Variants in GRM8 observed in about 807,000 individuals in gnomAD.
The protein encoded by GRM8 is glutamate metabotropic receptor 8, also known as metabotropic glutamate receptor 8.
A neutral mutation model predicts 87.2 loss-of-function variants in GRM8; 47 were observed. That is an observed-to-expected ratio of 0.54 (90% CI 0.43 to 0.69). The LOEUF is 0.69. Ranked by LOEUF, GRM8 falls within the 30% of genes least tolerant of loss-of-function variation. GRM8 has a pLI of 0.00. For synonymous variants in GRM8, 396 were observed against 404.5 expected, an observed-to-expected ratio of 0.98 and a Z score of 0.25; for missense variants, 1,019 against 1,139.2, an observed-to-expected ratio of 0.89 and a Z score of 1.52.
intron 2 of GRM8, among the ~76,000 whole-genome samples, chr7:127,162,938 A>C (rs1185944769): frequency 6.6e-6 from 1 of 152,144 alleles, no homozygotes; most frequent in African/African-American, 2.4e-5. Context: ...TCTACTCCTT[A>C]TCACTGTTCA....
intron 9 of GRM8, among the ~76,000 whole-genome samples, chr7:126,448,786 T>G (rs1266679670): frequency 6.6e-6 from 1 of 151,844 alleles, no homozygotes; most frequent in Non-Finnish European, 1.5e-5. Flanking sequence ...AACAGAAGAA[T>G]AGAAAACCAA....
intron 3 of GRM8, among the ~76,000 whole-genome samples, chr7:126,983,097 G>T (rs147977270): frequency 2.0e-5 from 3 of 152,148 alleles, no homozygotes; most frequent in African/African-American, 7.2e-5. Flanking sequence ...AAGGTAGGAG[G>T]AGCCCAAAGT....
intron 2 of GRM8, among the ~76,000 whole-genome samples, chr7:127,129,861 T>G (rs1827579820): frequency 6.6e-6 from 1 of 152,188 alleles, no homozygotes; most frequent in South Asian, 2.1e-4. Flanking sequence ...AATCTCTGAG[T>G]CATTTCTCAG....
At chr7:126,713,587 C>T (rs1047641095) in intron 7 of GRM8, among the ~76,000 whole-genome samples, 42 of 135,864 alleles carry the variant, frequency 3.1e-4, no homozygotes, top group African/African-American at 1.1e-3. Flanking sequence ...ACATTCTGCA[C>T]ATGTATCCAA....
intron 8 of GRM8, among the ~76,000 whole-genome samples, chr7:126,548,004 T>A (rs1817347314): frequency 6.6e-6 from 1 of 151,746 alleles, no homozygotes; most frequent in Non-Finnish European, 1.5e-5. Context: ...AAGATGTGAA[T>A]CCACCACAAA....
At chr7:126,868,465 C>G (rs1798801219) in intron 6 of GRM8, among the ~76,000 whole-genome samples, 1 of 152,156 alleles carries the variant, frequency 6.6e-6, no homozygotes, top group Non-Finnish European at 1.5e-5. Flanking sequence ...AACACCAGAC[C>G]TTGATGTTGG....
intron 7 of GRM8, among the ~76,000 whole-genome samples, chr7:126,621,635 T>A (rs928679879): frequency 5.9e-5 from 9 of 151,996 alleles, no homozygotes; most frequent in Non-Finnish European, 1.3e-4. Flanking sequence ...GCAAGGCTGG[T>A]CTTTAACTCC....
At chr7:126,655,485 C>G (rs1804416849) in intron 7 of GRM8, among the ~76,000 whole-genome samples, 1 of 152,014 alleles carries the variant, frequency 6.6e-6, no homozygotes, top group African/African-American at 2.4e-5. Context: ...CTCTCTCTCT[C>G]TCTCTCTGTT....
At chr7:126,807,991 C>T (rs915232823) in intron 6 of GRM8, among the ~76,000 whole-genome samples, 14 of 152,060 alleles carry the variant, frequency 9.2e-5, no homozygotes, top group South Asian at 4.1e-4. Flanking sequence ...ATCCCTCTTT[C>T]CACAATAAAC....
intron 8 of GRM8, among the ~76,000 whole-genome samples, chr7:126,535,110 C>G (rs1382032459): frequency 6.6e-6 from 1 of 152,132 alleles, no homozygotes; most frequent in Admixed American, 6.5e-5. Flanking sequence ...TACTAATAAT[C>G]CAAAAGAATT....
intron 6 of GRM8, among the ~76,000 whole-genome samples, chr7:126,892,406 A>C (rs1014795716): frequency 3.3e-5 from 5 of 152,084 alleles, no homozygotes; most frequent in African/African-American, 1.2e-4. Flanking sequence ...TTGTTCCTGC[A>C]ATAGTTTACT....
At chr7:126,684,715 G>A (rs1261543351) in intron 7 of GRM8, among the ~76,000 whole-genome samples, 1 of 152,198 alleles carries the variant, frequency 6.6e-6, no homozygotes, top group East Asian at 1.9e-4. Context: ...GGGATTATCT[G>A]GGTAAGGAAA....
chr7:126,719,400 G>A (rs915228527), intron 7 of GRM8, among the ~76,000 whole-genome samples: 1 of 152,164 alleles, frequency 6.6e-6, no homozygotes, highest in Non-Finnish European at 1.5e-5. Context: ...GTATTCATCA[G>A]CATGTTTTTA....
chr7:126,788,756 A>T (rs959196158), intron 6 of GRM8, among the ~76,000 whole-genome samples: 4 of 151,212 alleles, frequency 2.6e-5, no homozygotes, highest in Admixed American at 2.0e-4. Flanking sequence ...GATTGTGCCT[A>T]TGAGAAAGCA....
chr7:126,846,325 A>T (rs1357560690), intron 6 of GRM8, among the ~76,000 whole-genome samples: 7 of 152,240 alleles, frequency 4.6e-5, no homozygotes, highest in African/African-American at 1.7e-4. Flanking sequence ...GTAGGAGAAG[A>T]TGATTCCCTC....
chr7:126,939,391 C>A (rs1325804453), intron 3 of GRM8, among the ~76,000 whole-genome samples: 1 of 152,150 alleles, frequency 6.6e-6, no homozygotes, highest in Non-Finnish European at 1.5e-5. Flanking sequence ...TGATATTGGA[C>A]AAGTCTCCAC....
intron 7 of GRM8, among the ~76,000 whole-genome samples, chr7:126,719,407 T>C (rs1812121946): frequency 6.6e-6 from 1 of 152,240 alleles, no homozygotes; most frequent in Admixed American, 6.5e-5. Context: ...TCAGCATGTT[T>C]TTAAACCTAT....
intron 6 of GRM8, among the ~76,000 whole-genome samples, chr7:126,806,869 C>A (rs1426517811): frequency 1.3e-5 from 2 of 152,232 alleles, no homozygotes; most frequent in Non-Finnish European, 1.5e-5. Context: ...CCAGCTCCCA[C>A]CCGCGCGTCT....
intron 7 of GRM8, among the ~76,000 whole-genome samples, chr7:126,672,683 T>G (rs1806506340): frequency 6.6e-6 from 1 of 152,110 alleles, no homozygotes; most frequent in Non-Finnish European, 1.5e-5. Flanking sequence ...GTAGGGCTTT[T>G]GGCTTCCCTC....
Sources: gnomAD v4.1 joint callset for allele counts (sites outside exome capture counted in the v4.1 genomes callset) on GRCh38, gnomAD v4.1.1 for gene constraint, MANE v1.5 for transcripts, NCBI Gene and HGNC (gene_info 2026-07-23, HGNC 2026-07-21) for gene names.